The following OSBP2 variants were observed in gnomAD, a reference collection of about 807,000 sequenced individuals.
OSBP2 encodes the protein oxysterol-binding protein 2.
A neutral mutation model predicts 96.0 loss-of-function variants in OSBP2; 66 were observed. The ratio of observed to expected loss-of-function variants is 0.69; its 90% CI spans 0.56 to 0.84. The LOEUF (loss-of-function observed/expected upper bound fraction) is 0.84, where lower values mean the gene tolerates loss of function less well. OSBP2 is among the 40% of genes least tolerant of loss of function. OSBP2 has a pLI of 0.00. For synonymous variants in OSBP2, 525 were observed against 520.9 expected (o/e 1.01, Z -0.11); for missense variants, 1,038 against 1,222.7 (o/e 0.85, Z 2.25).
chr22:30,729,492 G>T (rs1344933172), intron 1 of OSBP2, among the ~76,000 whole-genome samples: 3 of 152,078 alleles, frequency 2.0e-5, no homozygotes, highest in African/African-American at 4.8e-5. Flanking sequence ...ACAAACATTA[G>T]CTGGGCATAT....
At chr22:30,827,461 C>T (rs923201307) in intron 2 of OSBP2, among the ~76,000 whole-genome samples, 2 of 152,182 alleles carry the variant, frequency 1.3e-5, no homozygotes, top group African/African-American at 4.8e-5. Context: ...AAAATGATGG[C>T]AGTAATACGT....
intron 2 of OSBP2, among the ~76,000 whole-genome samples, chr22:30,800,498 C>T (rs136271): frequency 0.19 from 29,001 of 151,978 alleles, 2,847 homozygotes; most frequent in Middle Eastern, 0.25. Flanking sequence ...GGAGGGCGGA[C>T]GGGGGATTTG....
chr22:30,895,114 G>A (rs1242569675), intron 12 of OSBP2, among the ~76,000 whole-genome samples: 1 of 152,150 alleles, frequency 6.6e-6, no homozygotes, highest in Non-Finnish European at 1.5e-5. Context: ...ATGAAGGGAG[G>A]GAAACTGCTC....
chr22:30,893,871 T>A lies in OSBP2; in HGVS notation c.2245T>A (p.Ser749Thr), dbSNP rs2040008994. 1 of 1,583,090 alleles carries A rather than the reference T, an allele frequency of 6.3e-7. No homozygotes were observed. Among genetic ancestry groups the A allele is most frequent in the Admixed American group, 1.9e-5 (1 of 54,010 alleles). Residue 749 changes from serine to threonine, a missense_variant, in exon 12 of 14, where the codon TCG becomes ACG. By Grantham distance (58) the Ser-to-Thr change is moderately conservative. Coordinates refer to ENST00000332585, the MANE Select transcript of OSBP2 (RefSeq NM_030758.4). ...QGKAHYVLSG[S>T]WDEQMECSKV... The stretch of plus-strand genomic sequence containing the variant: ...CAAGGCCCATTACGTGCTGTCCGGC[T>A]CGTGGGATGAACAAATGGAGTGCTC...
At chr22:30,797,472 C>T (rs1312776605) in intron 2 of OSBP2, among the ~76,000 whole-genome samples, 1 of 151,946 alleles carries the variant, frequency 6.6e-6, no homozygotes, top group African/African-American at 2.4e-5. Context: ...TTAGTAGAGA[C>T]GGGGTTTCAC....
At chr22:30,903,564 T>C (rs1213894511) in intron 12 of OSBP2, among the ~76,000 whole-genome samples, 1 of 152,252 alleles carries the variant, frequency 6.6e-6, no homozygotes, top group Non-Finnish European at 1.5e-5. Context: ...TTTTTGTTAC[T>C]GCTTTTTCGA....
intron 12 of OSBP2, among the ~76,000 whole-genome samples, chr22:30,901,992 AAAC>A (rs2040207110): frequency 6.6e-6 from 1 of 152,148 alleles, no homozygotes; most frequent in African/African-American, 2.4e-5. Flanking sequence ...AAAAACTTGG[AAAC>A]AACACAAATT....
At chr22:30,859,262 G>T (rs1006774497) in intron 2 of OSBP2, among the ~76,000 whole-genome samples, 5 of 152,192 alleles carry the variant, frequency 3.3e-5, no homozygotes, top group African/African-American at 1.2e-4. Context: ...AACAGTCCTG[G>T]CACCGTCCGA....
intron 2 of OSBP2, among the ~76,000 whole-genome samples, chr22:30,808,506 C>T (rs1035960618): frequency 2.0e-5 from 3 of 152,046 alleles, no homozygotes; most frequent in Non-Finnish European, 2.9e-5. Flanking sequence ...GACCCTGTCT[C>T]AAAAGAAAAA....
intron 2 of OSBP2, among the ~76,000 whole-genome samples, chr22:30,756,229 T>TG (rs1256773050): frequency 6.6e-4 from 101 of 152,274 alleles, no homozygotes; most frequent in Non-Finnish European, 1.0e-4. Context: ...GGTGAGTTCT[T>TG]CCTCTCTCTC....
At chr22:30,898,343 AC>A (rs983026177) in intron 12 of OSBP2, among the ~76,000 whole-genome samples, 5 of 151,010 alleles carry the variant, frequency 3.3e-5, no homozygotes, top group African/African-American at 1.2e-4. Flanking sequence ...ACAGAGCAAG[AC>A]CCTGTCTCAA....
At chr22:30,811,164 A>ACC (rs136249) in intron 2 of OSBP2, among the ~76,000 whole-genome samples, 1,560 of 136,868 alleles carry the variant, frequency 0.011, 15 homozygotes, top group Non-Finnish European at 0.016. Context: ...AGTATACACA[A>ACC]CCCCCCCCCC....
At chr22:30,882,505 A>G (rs905264679) in intron 3 of OSBP2, among the ~76,000 whole-genome samples, 1 of 100,134 alleles carries the variant, frequency 1.0e-5, no homozygotes, top group African/African-American at 3.5e-5. Flanking sequence ...CATGCACACT[A>G]TAAAAAAAAA....
At chr22:30,874,623 G>A (rs1226990639) in intron 3 of OSBP2, among the ~76,000 whole-genome samples, 1 of 152,212 alleles carries the variant, frequency 6.6e-6, no homozygotes, top group Non-Finnish European at 1.5e-5. Context: ...GCAGGGCGCT[G>A]CAGCCATCCT....
chr22:30,837,805 T>C (rs952457461), intron 2 of OSBP2, among the ~76,000 whole-genome samples: 1 of 152,148 alleles, frequency 6.6e-6, no homozygotes, highest in Non-Finnish European at 1.5e-5. Context: ...GCCAGCATTG[T>C]CTTGGTTGCT....
At chr22:30,895,132 C>A (rs1400428857) in intron 12 of OSBP2, among the ~76,000 whole-genome samples, 1 of 152,128 alleles carries the variant, frequency 6.6e-6, no homozygotes, top group Non-Finnish European at 1.5e-5. Context: ...CTCAAAGGCC[C>A]CCCCGCCATG....
chr22:30,801,819 A>C (rs136267), intron 2 of OSBP2, among the ~76,000 whole-genome samples: 115,700 of 151,550 alleles, frequency 0.76, 45,194 homozygotes, highest in African/African-American at 0.93. Context: ...ACAACAACAA[A>C]AAAAAATCCT....
At chr22:30,896,858 G>A (rs895302144) in intron 12 of OSBP2, among the ~76,000 whole-genome samples, 1 of 151,996 alleles carries the variant, frequency 6.6e-6, no homozygotes, top group Non-Finnish European at 1.5e-5. Context: ...ATGTTGCTCT[G>A]TCTGATTTCA....
At chr22:30,747,246 G>T (rs1427188816) in intron 2 of OSBP2, among the ~76,000 whole-genome samples, 2 of 152,180 alleles carry the variant, frequency 1.3e-5, no homozygotes, top group South Asian at 2.1e-4. Flanking sequence ...AGGGTATGGG[G>T]TTTCTTTTTG....
Sources: gnomAD v4.1 joint callset for allele counts (sites outside exome capture counted in the v4.1 genomes callset) on GRCh38, gnomAD v4.1.1 for gene constraint, MANE v1.5 for transcripts, NCBI Gene and HGNC (gene_info 2026-07-23, HGNC 2026-07-21) for gene names.